KLC1: variants seen among roughly 807,000 people sequenced by gnomAD.
KLC1 encodes kinesin 2 60/70kDa.
A neutral mutation model predicts 84.2 loss-of-function variants in KLC1; 30 were observed. That is an observed-to-expected ratio of 0.36 (90% CI 0.27 to 0.48). The LOEUF is 0.48. KLC1 is among the 20% of genes least tolerant of loss of function. KLC1 has a pLI of 0.99. For synonymous variants in KLC1, 289 were observed against 293.3 expected (o/e 0.99, Z 0.15); for missense variants, 499 against 805.4 (o/e 0.62, Z 4.60).
At chr14:103,697,113 T>C in intron 15 of KLC1, 1 of 985,414 alleles carries the variant, frequency 1.0e-6, no homozygotes, top group South Asian at 4.7e-5. Flanking sequence ...GAATTGCTTA[T>C]GTTCAATTAC....
chr14:103,700,812 G>A, intron 16 of KLC1, 85 bp downstream of exon 16: 1 of 1,138,116 alleles, frequency 8.8e-7, no homozygotes, highest in Non-Finnish European at 1.2e-6. Flanking sequence ...GGGGAGCTGG[G>A]GATGGGCAAG....
intron 14 of KLC1, among the ~76,000 whole-genome samples, chr14:103,690,612 G>T (rs569555602): frequency 7.5e-6 from 1 of 134,098 alleles, no homozygotes; most frequent in East Asian, 2.3e-4. Context: ...GCTTTCCCAG[G>T]AACTGCTGCG....
At chr14:103,689,599 G>C (rs1314970041) in intron 14 of KLC1, among the ~76,000 whole-genome samples, 1 of 152,198 alleles carries the variant, frequency 6.6e-6, no homozygotes, top group Non-Finnish European at 1.5e-5. Flanking sequence ...CCCCACCCCT[G>C]AGTTTCCAAT....
chr14:103,696,224 C>A, intron 15 of KLC1: 5 of 984,884 alleles, frequency 5.1e-6, no homozygotes, highest in Non-Finnish European at 6.0e-6. Flanking sequence ...TGGCAGAAAT[C>A]AGGCCCCTGG....
chr14:103,700,746 A>G lies in KLC1; in HGVS notation c.*1+19A>G. On this transcript the variant is annotated intron_variant, in intron 16 of 16. Coordinates refer to ENST00000334553, the MANE Select transcript of KLC1 (RefSeq NM_001394837.1). ...CGCTAACGTGAGTCCCACGGCCTGC[A>G]GCCCCAGGAAGCAGGCAGCTGGGCC... 1 of 1,547,156 alleles carries G rather than the reference A, an allele frequency of 6.5e-7. No individual in the cohort carries two copies. Among genetic ancestry groups the G allele is most frequent in the Non-Finnish European group, 8.7e-7 (1 of 1,142,966 alleles).
At chr14:103,670,091 A>G (rs2080247919) in intron 6 of KLC1, 91 bp from the exon 7 acceptor site, 2 of 891,248 alleles carry the variant, frequency 2.2e-6, no homozygotes, top group African/African-American at 1.7e-5. Flanking sequence ...GCTTTACTGT[A>G]TAGATTGAAT....
intron 1 of KLC1, among the ~76,000 whole-genome samples, chr14:103,630,343 G>A (rs2076579913): frequency 6.6e-6 from 1 of 152,214 alleles, no homozygotes; most frequent in Non-Finnish European, 1.5e-5. Flanking sequence ...TATTAGAATT[G>A]TTGCTGCCTG....
intron 15 of KLC1, chr14:103,696,963 T>C: frequency 5.1e-6 from 5 of 985,404 alleles, no homozygotes; most frequent in Non-Finnish European, 6.0e-6. Flanking sequence ...CCTCGGCCCC[T>C]TCCCTCCAGG....
At chr14:103,683,572 C>T (rs970945566) in intron 13 of KLC1, 1 of 152,234 alleles carries the variant, frequency 6.6e-6, no homozygotes, top group Non-Finnish European at 1.5e-5. Context: ...GTGGGAGCCC[C>T]TTGGGCTGTC....
chr14:103,677,360 G>C (rs1469797073), intron 11 of KLC1, 55 bp from the exon 12 acceptor site: 5 of 1,002,862 alleles, frequency 5.0e-6, no homozygotes, highest in Non-Finnish European at 8.0e-6. Flanking sequence ...GCTGTTGATA[G>C]TGGTTGTTCA....
At chr14:103,673,773 C>A (rs572474344) in intron 9 of KLC1, among the ~76,000 whole-genome samples, 365 of 152,086 alleles carry the variant, frequency 2.4e-3, no homozygotes, top group African/African-American at 8.5e-3. Context: ...AATACAAAAA[C>A]TTAGCCGGGT....
At chr14:103,643,176 G>C (rs561360204) in intron 1 of KLC1, among the ~76,000 whole-genome samples, 110 of 152,344 alleles carry the variant, frequency 7.2e-4, no homozygotes, top group Non-Finnish European at 1.2e-3. Context: ...AATGAGGAAA[G>C]AGACAAAGAA....
chr14:103,637,384 G>A (rs1056317699), intron 1 of KLC1, among the ~76,000 whole-genome samples: 3 of 151,686 alleles, frequency 2.0e-5, no homozygotes, highest in African/African-American at 4.8e-5. Flanking sequence ...ACAAAAATTC[G>A]CCAGGCGTGG....
chr14:103,645,471 T>G (rs1170242993), intron 1 of KLC1, among the ~76,000 whole-genome samples: 1 of 152,196 alleles, frequency 6.6e-6, no homozygotes, highest in Non-Finnish European at 1.5e-5. Context: ...CTTCTTAGTT[T>G]AAAGCATCCA....
intron 3 of KLC1, among the ~76,000 whole-genome samples, chr14:103,658,861 G>A (rs765150177): frequency 6.6e-6 from 1 of 150,974 alleles, no homozygotes; most frequent in Admixed American, 6.6e-5. Flanking sequence ...GTTTCATTGC[G>A]TTAGCCAGGA....
intron 11 of KLC1, among the ~76,000 whole-genome samples, chr14:103,676,492 C>G (rs1447800951): frequency 6.6e-6 from 1 of 152,170 alleles, no homozygotes; most frequent in Non-Finnish European, 1.5e-5. Flanking sequence ...TTTTGAACTC[C>G]TGACCTCAGG....
At position 103,679,543 on chromosome 14, in the gene KLC1, G is replaced by C. The variant is rs772949267; in HGVS notation, c.1648G>C (p.Gly550Arg). The C allele has an allele frequency of 5.0e-6, 8 of 1,612,996 alleles. No homozygotes were observed. Among genetic ancestry groups the C allele is most frequent in the African/African-American group, 2.7e-5 (2 of 74,904 alleles). ...EEVSMSVEWN[G>R]DGTGSLKRSG... is the part of the protein sequence containing the mutation. ...AGTGAGTATGAGCGTAGAGTGGAAC[G>C]GGGTAAGTACAGTACACAGCGGGCA... The change falls in exon 13 of 17, where the codon GGG becomes CGG. Residue 550 changes from glycine (G) to arginine (R), a missense_variant and splice_region_variant. Physicochemically the swap from Gly to Arg is moderately radical, Grantham distance 125 (BLOSUM62 -2). Coordinates refer to ENST00000334553, the MANE Select transcript of KLC1 (RefSeq NM_001394837.1).
intron 11 of KLC1, among the ~76,000 whole-genome samples, chr14:103,676,952 C>T (rs2151736868): frequency 6.6e-6 from 1 of 152,346 alleles, no homozygotes; most frequent in East Asian, 1.9e-4. Flanking sequence ...CCTCTGCCCT[C>T]ACACCCCACT....
rs904067029 is a variant in KLC1, at chr14:103,657,490, G to A, written c.262-56G>A. 4 of 1,418,092 alleles carry A rather than the reference G, an allele frequency of 2.8e-6. No individual in the cohort carries two copies. In the African/African-American group the frequency reaches 4.2e-5, roughly 15 times the overall value. The allele number at this position is 1,418,092 out of a possible 1,614,324, so 87.8% of individuals were successfully genotyped here. On this transcript the variant is annotated intron_variant, in intron 2 of 16. Transcript: ENST00000334553. ...AGCCACAGAATGTTCGCACGGGTGG[G>A]AGGGACTCTTGCTGGACAACGTGCC... is the stretch of plus-strand genomic sequence containing the variant.
Sources: allele counts gnomAD v4.1 joint callset (sites outside exome capture counted in the v4.1 genomes callset), GRCh38; gene constraint gnomAD v4.1.1; transcripts MANE v1.5; gene names NCBI Gene and HGNC (gene_info 2026-07-23, HGNC 2026-07-21).